IMMP2L: variants seen among roughly 807,000 people sequenced by gnomAD.
IMMP2L encodes the protein mitochondrial inner membrane protease subunit 2.
Under a neutral mutation model 19.3 loss-of-function variants are expected in IMMP2L, and 18 were observed. That is an observed-to-expected ratio of 0.93 (90% CI 0.64 to 1.38). The LOEUF (loss-of-function observed/expected upper bound fraction) is 1.38, where lower values mean the gene tolerates loss of function less well. Among genes scored for constraint, IMMP2L ranks in the 40% most tolerant of loss-of-function variants. The pLI is 0.00. For missense variants in IMMP2L, 233 were observed against 218.2 expected, an observed-to-expected ratio of 1.07 and a Z score of -0.43; for synonymous variants, 76 against 73.0, an observed-to-expected ratio of 1.04 and a Z score of -0.21.
At chr7:111,362,471 CA>C (rs546488422) in intron 3 of IMMP2L, among the ~76,000 whole-genome samples, 24 of 151,940 alleles carry the variant, frequency 1.6e-4, no homozygotes, top group Admixed American at 2.6e-4. Flanking sequence ...GTTTCACATA[CA>C]TTTTTTTTCT....
At chr7:111,094,092 A>G (rs1220957783) in intron 3 of IMMP2L, among the ~76,000 whole-genome samples, 6 of 151,908 alleles carry the variant, frequency 3.9e-5, no homozygotes, top group Non-Finnish European at 8.8e-5. Context: ...TTTTTGTAAC[A>G]TCTTTTGCTT....
intron 3 of IMMP2L, among the ~76,000 whole-genome samples, chr7:110,994,812 T>C (rs962294854): frequency 6.6e-6 from 1 of 152,156 alleles, no homozygotes; most frequent in East Asian, 1.9e-4. Flanking sequence ...TGATAAGGTG[T>C]GACTCACAGG....
In IMMP2L at chr7:110,781,325, T is replaced by C. The variant is rs545434184; in HGVS notation, c.408+105268A>G. Reference sequence around the variant, plus strand: ...CTGAGTACAAATTCCCAGCATAGTGTGACATGTTTCAGTCTACATATTGTA... The same window carrying C: ...CTGAGTACAAATTCCCAGCATAGTGCGACATGTTTCAGTCTACATATTGTA... On this transcript the variant is annotated intron_variant, in intron 5 of 5. Transcript: ENST00000405709. 2.3e-4 allele frequency among the ~76,000 whole-genome samples: 35 copies of C among 152,022 alleles called. No individual in the cohort carries two copies. In the South Asian group the frequency reaches 6.8e-3, roughly 30 times the overall value.
At chr7:111,154,549 A>T (rs1176147977) in intron 3 of IMMP2L, among the ~76,000 whole-genome samples, 2 of 152,170 alleles carry the variant, frequency 1.3e-5, no homozygotes, top group Admixed American at 6.6e-5. Flanking sequence ...AGTAAAAAGA[A>T]AATAGTGACG....
intron 3 of IMMP2L, among the ~76,000 whole-genome samples, chr7:111,335,566 C>A (rs553725936): frequency 1.3e-5 from 2 of 151,960 alleles, no homozygotes; most frequent in African/African-American, 4.8e-5. Context: ...TTAAGAAATA[C>A]GAGAAAGTTT....
chr7:110,980,729 A>C (rs1473012130), intron 3 of IMMP2L, among the ~76,000 whole-genome samples: 7 of 152,208 alleles, frequency 4.6e-5, no homozygotes, highest in African/African-American at 7.2e-5. Flanking sequence ...TAAATTTGAC[A>C]AAGTTTTGAT....
At chr7:111,322,497 T>C (rs964722090) in intron 3 of IMMP2L, among the ~76,000 whole-genome samples, 3 of 151,694 alleles carry the variant, frequency 2.0e-5, no homozygotes, top group Non-Finnish European at 4.4e-5. Context: ...AGCATAAGAA[T>C]TCTCCATTAT....
chr7:111,432,126 A>T (rs953962840), intron 3 of IMMP2L, among the ~76,000 whole-genome samples: 1 of 151,646 alleles, frequency 6.6e-6, no homozygotes, highest in Non-Finnish European at 1.5e-5. Flanking sequence ...AGTCTTGGGA[A>T]CTATGCCCTA....
rs552146250 is a variant in IMMP2L, at chr7:111,028,209, C to T, written c.240-64644G>A. Among the ~76,000 whole-genome samples the T allele has an allele frequency of 4.6e-5, 7 of 152,152 alleles. No homozygotes were observed. The South Asian group carries it at 1.0e-3, about 23-fold the overall frequency. ...TTAAATGAGATTTTTTCAACGTTAG[C>T]CAAAGCTTGGTAAAGTAGACTTACA... On this transcript the variant is annotated intron_variant, in intron 3 of 5. Transcript: ENST00000405709.
chr7:111,547,953 C>T (rs1849088754), intron 1 of IMMP2L, among the ~76,000 whole-genome samples: 1 of 152,034 alleles, frequency 6.6e-6, no homozygotes, highest in East Asian at 1.9e-4. Flanking sequence ...AACTCCCAGA[C>T]TCAAGTGATC....
chr7:111,192,172 T>C (rs573196007), intron 3 of IMMP2L, among the ~76,000 whole-genome samples: 277 of 152,224 alleles, frequency 1.8e-3, no homozygotes, highest in African/African-American at 5.5e-3. Flanking sequence ...TATAACAATA[T>C]ATTTTTATAA....
chr7:111,324,461 G>A (rs1461115305), intron 3 of IMMP2L, among the ~76,000 whole-genome samples: 1 of 151,938 alleles, frequency 6.6e-6, no homozygotes, highest in Non-Finnish European at 1.5e-5. Context: ...GTCAACTACA[G>A]ACCATAATTC....
At chr7:111,478,361 C>T (rs1260972001) in intron 3 of IMMP2L, among the ~76,000 whole-genome samples, 1 of 151,878 alleles carries the variant, frequency 6.6e-6, no homozygotes, top group Non-Finnish European at 1.5e-5. Context: ...AATTATCCAC[C>T]TTTTCATCAC....
At chr7:111,108,500 A>G (rs991770915) in intron 3 of IMMP2L, among the ~76,000 whole-genome samples, 1 of 152,170 alleles carries the variant, frequency 6.6e-6, no homozygotes, top group Non-Finnish European at 1.5e-5. Flanking sequence ...ATTGAAAACT[A>G]TATCTCAAGT....
intron 3 of IMMP2L, chr7:111,124,576 A>G (rs1395449417): frequency 6.2e-7 from 1 of 1,613,938 alleles, no homozygotes; most frequent in East Asian, 2.2e-5. Context: ...CTATCAGAAA[A>G]ACAGAAAAAA....
intron 3 of IMMP2L, among the ~76,000 whole-genome samples, chr7:111,068,450 C>T (rs1234070215): frequency 6.6e-6 from 1 of 151,660 alleles, no homozygotes; most frequent in African/African-American, 2.4e-5. Context: ...AAACAATATG[C>T]AGCTTAAACT....
At chr7:110,783,729 A>G (rs542304607) in intron 5 of IMMP2L, among the ~76,000 whole-genome samples, 33 of 152,030 alleles carry the variant, frequency 2.2e-4, no homozygotes, top group Non-Finnish European at 4.1e-4. Context: ...CAATACAAGA[A>G]GAGGAAAAAT....
intron 3 of IMMP2L, among the ~76,000 whole-genome samples, chr7:111,206,898 C>T (rs917155407): frequency 3.3e-5 from 5 of 152,112 alleles, no homozygotes; most frequent in Non-Finnish European, 7.3e-5. Flanking sequence ...TACTCTTAGG[C>T]TCCAGATGAG....
At chr7:111,122,838 T>C (rs1030594878) in intron 3 of IMMP2L, 1 of 1,613,996 alleles carries the variant, frequency 6.2e-7, no homozygotes, top group Non-Finnish European at 8.5e-7. Context: ...TAGTACAAGC[T>C]GTAGATAAAA....
Sources: allele counts gnomAD v4.1 joint callset (sites outside exome capture counted in the v4.1 genomes callset), GRCh38; gene constraint gnomAD v4.1.1; transcripts MANE v1.5; gene names NCBI Gene and HGNC (gene_info 2026-07-23, HGNC 2026-07-21).